Variants in CNKSR3 observed in about 807,000 individuals in gnomAD.
CNKSR3 encodes CNKSR family member 3.
CNKSR3 carries 36 observed loss-of-function variants against 67.7 expected under a neutral mutation model. The ratio of observed to expected loss-of-function variants is 0.53; its 90% CI spans 0.41 to 0.70. CNKSR3 has a LOEUF of 0.70. Ranked by LOEUF, CNKSR3 falls within the 30% of genes least tolerant of loss-of-function variation. The probability of loss-of-function intolerance (pLI) is 0.00; values close to 1 mark genes in which losing one functional copy is unlikely to be tolerated. For missense variants in CNKSR3, 630 were observed against 695.2 expected, an observed-to-expected ratio of 0.91 and a Z score of 1.05; for synonymous variants, 281 against 271.4, an observed-to-expected ratio of 1.04 and a Z score of -0.35.
At chr6:154,501,538 C>T (rs1482504659) in intron 1 of CNKSR3, among the ~76,000 whole-genome samples, 2 of 152,030 alleles carry the variant, frequency 1.3e-5, no homozygotes, top group African/African-American at 4.8e-5. Flanking sequence ...CAAGCCGGTT[C>T]GCACCTCAGG....
In CNKSR3 at chr6:154,411,158, G is replaced by T. The variant is rs1424062828; in HGVS notation, c.1071-16C>A. On this transcript the variant is annotated splice_polypyrimidine_tract_variant and intron_variant, in intron 10 of 12. Transcript: ENST00000607772. ...ATTCTCATCCCTGGAAGATAATATGGACAATAATTAAGTTGTTTACAAAGA... is the reference window on the plus strand; with the variant it reads ...ATTCTCATCCCTGGAAGATAATATGTACAATAATTAAGTTGTTTACAAAGA... 14 of 1,566,872 alleles carry T rather than the reference G, an allele frequency of 8.9e-6. No homozygotes were observed. Among genetic ancestry groups the T allele is most frequent in the Non-Finnish European group, 1.2e-5 (14 of 1,139,328 alleles).
At chr6:154,432,594 C>T (rs897441348) in intron 5 of CNKSR3, among the ~76,000 whole-genome samples, 2 of 152,182 alleles carry the variant, frequency 1.3e-5, no homozygotes, top group South Asian at 2.1e-4. Flanking sequence ...CATTGCAAAA[C>T]ACAGTCACCC....
Position 154,496,077 on chromosome 6 carries a change from C to T in CNKSR3, c.52+13986G>A, listed in dbSNP as rs377175070. On this transcript the variant is annotated intron_variant, in intron 1 of 12. Transcript: ENST00000607772. The stretch of plus-strand genomic sequence containing the variant: ...CCTGGCCACCTGTTAGACATGCGGC[C>T]GTCACTATACATGACGTTACCAGAA... Among the ~76,000 whole-genome samples the T allele has an allele frequency of 5.3e-4, 81 of 152,124 alleles. 1 individual carries two copies. Among genetic ancestry groups the T allele is most frequent in the Admixed American group, 9.8e-4 (15 of 15,262 alleles).
At chr6:154,441,043 G>T (rs142475269) in intron 4 of CNKSR3, among the ~76,000 whole-genome samples, 1 of 151,862 alleles carries the variant, frequency 6.6e-6, no homozygotes, top group African/African-American at 2.4e-5. Context: ...GGAACTATTA[G>T]TTCGCCTATT....
chr6:154,426,346 T>TTTTATTTATTTATTTATTTA (rs71558207), intron 7 of CNKSR3, among the ~76,000 whole-genome samples: 4 of 147,868 alleles, frequency 2.7e-5, no homozygotes, highest in East Asian at 2.0e-4. Flanking sequence ...CATTGAACTC[T>TTTTATTTATTTATTTATTTA]TTTATTTATT....
chr6:154,429,099 T>C (rs1785312339), intron 6 of CNKSR3, among the ~76,000 whole-genome samples: 1 of 152,230 alleles, frequency 6.6e-6, no homozygotes, highest in African/African-American at 2.4e-5. Flanking sequence ...ACACCGAATG[T>C]ATCATTGAGG....
intron 1 of CNKSR3, among the ~76,000 whole-genome samples, chr6:154,472,269 A>T (rs1188252394): frequency 1.3e-5 from 2 of 152,256 alleles, no homozygotes; most frequent in South Asian, 4.1e-4. Context: ...AGATAAAAGC[A>T]GCCAGTGACA....
intron 4 of CNKSR3, among the ~76,000 whole-genome samples, chr6:154,438,884 C>T (rs1014495268): frequency 2.6e-5 from 4 of 152,172 alleles, no homozygotes; most frequent in African/African-American, 7.2e-5. Flanking sequence ...GCTGGGCAGG[C>T]GCAATGAAGA....
chr6:154,453,391 G>A (rs2128719639), intron 1 of CNKSR3, among the ~76,000 whole-genome samples: 1 of 152,322 alleles, frequency 6.6e-6, no homozygotes, highest in Non-Finnish European at 1.5e-5. Context: ...CAAATGATTA[G>A]AGATTGAGAA....
intron 1 of CNKSR3, among the ~76,000 whole-genome samples, chr6:154,473,598 G>A (rs748911222): frequency 1.4e-4 from 21 of 152,158 alleles, no homozygotes; most frequent in African/African-American, 4.6e-4. Flanking sequence ...CATTTAGGGA[G>A]TGTCTACTCT....
In CNKSR3 at chr6:154,507,348, C is replaced by G. The variant is rs369860614; in HGVS notation, c.52+2715G>C. 5.3e-5 allele frequency among the ~76,000 whole-genome samples: 8 copies of G among 152,280 alleles called. 1 individual carries two copies. The highest frequency in any genetic ancestry group is 1.3e-4 in the Admixed American group (2 of 15,288). On this transcript the variant is annotated intron_variant, in intron 1 of 12. Transcript: ENST00000607772. Reference sequence around the variant, plus strand: ...GGTTTAGACAGTTTTAAATCTAAGGCCTTCTATGGTTCTCATAATCGCCCT... The same window carrying G: ...GGTTTAGACAGTTTTAAATCTAAGGGCTTCTATGGTTCTCATAATCGCCCT...
At chr6:154,499,116 C>T (rs1440525640) in intron 1 of CNKSR3, among the ~76,000 whole-genome samples, 2 of 152,202 alleles carry the variant, frequency 1.3e-5, no homozygotes, top group East Asian at 3.9e-4. Context: ...GCTAAGAGCC[C>T]GAGGGGATAC....
intron 1 of CNKSR3, among the ~76,000 whole-genome samples, chr6:154,483,617 G>A (rs979126586): frequency 6.6e-6 from 1 of 151,510 alleles, no homozygotes; most frequent in Non-Finnish European, 1.5e-5. Flanking sequence ...CCAACCCCTA[G>A]GCAGGACACA....
At chr6:154,470,805 A>T (rs1786313457) in intron 1 of CNKSR3, among the ~76,000 whole-genome samples, 1 of 152,190 alleles carries the variant, frequency 6.6e-6, no homozygotes, top group Non-Finnish European at 1.5e-5. Flanking sequence ...TATACCTAGG[A>T]GTGGAACTGT....
Position 154,401,685 on chromosome 6 carries a change from G to A in CNKSR3, c.*4669C>T, listed in dbSNP as rs1314749357. 6.6e-6 allele frequency: 1 copy of A among 152,218 alleles called. No homozygotes were observed. Among genetic ancestry groups the A allele is most frequent in the African/African-American group, 2.4e-5 (1 of 41,458 alleles). 9.4% of individuals were successfully genotyped at this position (152,218 alleles called of 1,614,324 possible). On this transcript the variant is annotated 3_prime_UTR_variant, in exon 13 of 13. Transcript: ENST00000607772. ...GCAGTAGTCTCATCCCCACGGAAATGATGCAGTGATTTTATGCACAAGGGT... is the reference window on the plus strand; with the variant it reads ...GCAGTAGTCTCATCCCCACGGAAATAATGCAGTGATTTTATGCACAAGGGT...
intron 1 of CNKSR3, among the ~76,000 whole-genome samples, chr6:154,480,162 T>G (rs1368289531): frequency 6.6e-6 from 1 of 152,284 alleles, no homozygotes; most frequent in East Asian, 1.9e-4. Context: ...AAAAGGAATG[T>G]TTTCTTTTAA....
In CNKSR3 at chr6:154,411,146, G is replaced by T; in HGVS notation, c.1071-4C>A. 1 of 1,599,240 alleles carries T rather than the reference G, an allele frequency of 6.3e-7. No homozygotes were observed. Among genetic ancestry groups the T allele is most frequent in the Non-Finnish European group, 8.6e-7 (1 of 1,167,636 alleles). On this transcript the variant is annotated splice_polypyrimidine_tract_variant and splice_region_variant and intron_variant, in intron 10 of 12. Coordinates refer to ENST00000607772, the MANE Select transcript of CNKSR3 (RefSeq NM_173515.4). ...AACAAAACTGCCATTCTCATCCCTGGAAGATAATATGGACAATAATTAAGT... is the reference window on the plus strand; with the variant it reads ...AACAAAACTGCCATTCTCATCCCTGTAAGATAATATGGACAATAATTAAGT...
intron 1 of CNKSR3, among the ~76,000 whole-genome samples, chr6:154,459,267 G>C (rs559804425): frequency 6.6e-6 from 1 of 152,120 alleles, no homozygotes; most frequent in South Asian, 2.1e-4. Context: ...TGGAACTGCT[G>C]CTCCCTTGGA....
At chr6:154,505,496 A>AT (rs779033286) in intron 1 of CNKSR3, among the ~76,000 whole-genome samples, 9 of 138,804 alleles carry the variant, frequency 6.5e-5, no homozygotes, top group African/African-American at 2.5e-4. Flanking sequence ...TATTATTATT[A>AT]TTTTTTTTTT....
Sources: allele counts gnomAD v4.1 joint callset (sites outside exome capture counted in the v4.1 genomes callset), GRCh38; gene constraint gnomAD v4.1.1; transcripts MANE v1.5; gene names NCBI Gene and HGNC (gene_info 2026-07-23, HGNC 2026-07-21).